ZMIZ1: variants seen among roughly 807,000 people sequenced by gnomAD.
The protein encoded by ZMIZ1 is zinc finger MIZ-type containing 1.
A neutral mutation model predicts 113.9 loss-of-function variants in ZMIZ1; 17 were observed. The ratio of observed to expected loss-of-function variants is 0.15; its 90% confidence interval spans 0.10 to 0.22. The LOEUF (loss-of-function observed/expected upper bound fraction) is 0.22, where lower values mean the gene tolerates loss of function less well. ZMIZ1 is among the 10% of genes least tolerant of loss of function. The probability of loss-of-function intolerance (pLI) is 1.00; values close to 1 mark genes in which losing one functional copy is unlikely to be tolerated. For synonymous variants in ZMIZ1, 607 were observed against 603.1 expected, an observed-to-expected ratio of 1.01 and a Z score of -0.09; for missense variants, 1,059 against 1,477.8, an observed-to-expected ratio of 0.72 and a Z score of 4.65.
At chr10:79,071,836 T>G (rs1293036645) in intron 1 of ZMIZ1, among the ~76,000 whole-genome samples, 1 of 152,062 alleles carries the variant, frequency 6.6e-6, no homozygotes, top group Non-Finnish European at 1.5e-5. Context: ...GCTTTATGAT[T>G]TTCGGTTGGG....
Position 79,296,160 on chromosome 10 carries a change from C to T in ZMIZ1, c.1231-311C>T, listed in dbSNP as rs1028354512. ...CAGGCACCAGGAGAGACACAAAGGT[C>T]GGGGGAGTTAGAATCAGGCCCCTCA... On this transcript the variant is annotated intron_variant, in intron 12 of 24. Coordinates refer to ENST00000334512, the MANE Select transcript of ZMIZ1 (RefSeq NM_020338.4). The surrounding 1 kb of genome is among the most constrained non-coding windows in gnomAD (Gnocchi z 4.1). The T allele has an allele frequency of 3.0e-5, 12 of 399,250 alleles. No homozygotes were observed. The highest frequency in any genetic ancestry group is 4.6e-5 in the Non-Finnish European group (10 of 219,058). 24.7% of individuals were successfully genotyped at this position (399,250 alleles called of 1,614,324 possible).
At chr10:79,299,260 C>T in intron 16 of ZMIZ1, 69 bp downstream of exon 16, 1 of 1,539,310 alleles carries the variant, frequency 6.5e-7, no homozygotes. Context: ...CTTCCTTGGG[C>T]CCGAGTGGGG....
chr10:79,151,520 G>T lies in ZMIZ1; in HGVS notation c.-130-10533G>T, dbSNP rs572110415. On this transcript the variant is annotated intron_variant, in intron 3 of 24. Transcript: ENST00000334512. Reference sequence around the variant, plus strand: ...ATCCGGTGTTGGAGCCCTGATTCAAGAGGGGTCATGGGGCAAAGAAAGTTA... The same window carrying T: ...ATCCGGTGTTGGAGCCCTGATTCAATAGGGGTCATGGGGCAAAGAAAGTTA... Among the ~76,000 whole-genome samples, 14 of 152,348 alleles carry T rather than the reference G, an allele frequency of 9.2e-5. No individual in the cohort carries two copies. In the East Asian group the frequency reaches 2.5e-3, roughly 27 times the overall value.
chr10:79,106,546 G>A (rs111803586), intron 1 of ZMIZ1, among the ~76,000 whole-genome samples: 17 of 152,326 alleles, frequency 1.1e-4, no homozygotes, highest in South Asian at 2.1e-4. Flanking sequence ...CCAGCTTGGC[G>A]ATCAGTGGGT....
chr10:79,196,440 G>A lies in ZMIZ1; in HGVS notation c.-49-5144G>A, dbSNP rs1268554324. On this transcript the variant is annotated intron_variant, in intron 4 of 24. Coordinates refer to ENST00000334512, the MANE Select transcript of ZMIZ1 (RefSeq NM_020338.4). ...ACACTGATGGGCCCCAGGCTCCTCA[G>A]AGTAAAACCAGTTGAGGCAGAGCGG... Among the ~76,000 whole-genome samples the A allele has an allele frequency of 2.0e-5, 3 of 152,222 alleles. No homozygotes were observed. The East Asian group carries it at 5.8e-4, about 29-fold the overall frequency.
chr10:79,300,912 C>A lies in ZMIZ1; in HGVS notation c.1989C>A (p.Thr663=). 1 of 1,612,206 alleles carries A rather than the reference C, an allele frequency of 6.2e-7. No homozygotes were observed. The stretch of plus-strand genomic sequence containing the variant: ...ACGTGTGCCAGCCGGGCCGCAACAC[C>A]ATCCAGATCACCGTCACGGCCTGCT... The part of the protein sequence containing the change: ...LKHVCQPGRN[T]IQITVTACCC... Residue 663 remains threonine (T), a synonymous_variant, in exon 17 of 25, where the codon ACC becomes ACA. Coordinates refer to ENST00000334512, the MANE Select transcript of ZMIZ1 (RefSeq NM_020338.4).
In ZMIZ1 at chr10:79,203,041, G is replaced by A. The variant is rs910255943; in HGVS notation, c.60+1349G>A. Among the ~76,000 whole-genome samples, 4 of 152,224 alleles carry A rather than the reference G, an allele frequency of 2.6e-5. No individual in the cohort carries two copies. In the East Asian group the frequency reaches 7.7e-4, roughly 29 times the overall value. On this transcript the variant is annotated intron_variant, in intron 5 of 24. Transcript: ENST00000334512. ...ATTGTCCTCAGTATGTCAGTGACAG[G>A]GAAGGGAGTGCTGGGGCTCAGGCCC...
chr10:79,122,838 C>T (rs1844357679), intron 2 of ZMIZ1, among the ~76,000 whole-genome samples: 1 of 152,088 alleles, frequency 6.6e-6, no homozygotes, highest in Admixed American at 6.5e-5. Flanking sequence ...GAGAATGGTA[C>T]CTAGGCTCCA....
chr10:79,252,882 A>G (rs1850639972), intron 7 of ZMIZ1, among the ~76,000 whole-genome samples: 4 of 152,254 alleles, frequency 2.6e-5, no homozygotes, highest in African/African-American at 7.2e-5. Context: ...CTTCAAGTTC[A>G]TAACTATGAC....
chr10:79,219,867 G>A (rs989008665), intron 7 of ZMIZ1, among the ~76,000 whole-genome samples: 6 of 152,040 alleles, frequency 3.9e-5, no homozygotes, highest in African/African-American at 1.4e-4. Flanking sequence ...CCACAGCCAT[G>A]ACTAACTACC....
At chr10:79,186,950 C>T (rs958995151) in intron 4 of ZMIZ1, among the ~76,000 whole-genome samples, 2 of 152,188 alleles carry the variant, frequency 1.3e-5, no homozygotes, top group Non-Finnish European at 2.9e-5. Context: ...CCCCCTTGGC[C>T]CTTGGCACCT....
chr10:79,257,921 G>A (rs922479169), intron 7 of ZMIZ1, among the ~76,000 whole-genome samples: 10 of 152,182 alleles, frequency 6.6e-5, no homozygotes, highest in Admixed American at 5.2e-4. Flanking sequence ...AAGGGACCTC[G>A]CTTTTGTTGA....
chr10:79,271,581 C>T (rs1015552913), intron 7 of ZMIZ1, among the ~76,000 whole-genome samples: 2 of 152,160 alleles, frequency 1.3e-5, no homozygotes, highest in Admixed American at 1.3e-4. Context: ...TGGCCCTCCG[C>T]CCACCCTGCA....
At chr10:79,168,394 T>A (rs1309616960) in intron 4 of ZMIZ1, among the ~76,000 whole-genome samples, 2 of 152,178 alleles carry the variant, frequency 1.3e-5, no homozygotes, top group South Asian at 4.1e-4. Flanking sequence ...CCCCATGGCC[T>A]TTTTTTGTCT....
chr10:79,161,748 G>A (rs753829060), intron 3 of ZMIZ1, among the ~76,000 whole-genome samples: 6 of 152,232 alleles, frequency 3.9e-5, no homozygotes, highest in Non-Finnish European at 8.8e-5. Context: ...ATGAGTGAAT[G>A]CGAAGTGCCT....
intron 1 of ZMIZ1, among the ~76,000 whole-genome samples, chr10:79,101,867 T>G (rs543466204): frequency 6.6e-6 from 1 of 152,326 alleles, no homozygotes; most frequent in African/African-American, 2.4e-5. Flanking sequence ...GAGGATGTGA[T>G]GTGAGGAGCA....
intron 11 of ZMIZ1, among the ~76,000 whole-genome samples, chr10:79,293,118 G>A (rs564948299): frequency 1.7e-4 from 26 of 151,830 alleles, no homozygotes; most frequent in South Asian, 4.2e-4. Flanking sequence ...CCTGTGCATC[G>A]GAGTGACCAC....
intron 6 of ZMIZ1, among the ~76,000 whole-genome samples, chr10:79,214,597 G>A (rs1026778857): frequency 2.0e-5 from 3 of 152,136 alleles, no homozygotes; most frequent in African/African-American, 4.8e-5. Flanking sequence ...TAAGGCAGGC[G>A]TGGGGAACGA....
At chr10:79,110,619 T>TG (rs1843704145) in intron 1 of ZMIZ1, among the ~76,000 whole-genome samples, 2 of 152,230 alleles carry the variant, frequency 1.3e-5, no homozygotes, top group South Asian at 4.1e-4. Flanking sequence ...CTGTGCCCTC[T>TG]GCAGCCACCC....
Sources: allele counts gnomAD v4.1 joint callset (sites outside exome capture counted in the v4.1 genomes callset), GRCh38; gene constraint gnomAD v4.1.1; non-coding constraint Gnocchi (gnomAD v3.1); transcripts MANE v1.5; gene names NCBI Gene and HGNC (gene_info 2026-07-23, HGNC 2026-07-21).